The following EML1 variants were observed in gnomAD, a reference collection of about 807,000 sequenced individuals.
The protein encoded by EML1 is echinoderm microtubule-associated protein-like 1.
Under a neutral mutation model 110.4 loss-of-function variants are expected in EML1, and 27 were observed. That is an observed-to-expected ratio of 0.24 (90% CI 0.18 to 0.34). The LOEUF (loss-of-function observed/expected upper bound fraction) is 0.34, where lower values mean the gene tolerates loss of function less well. Among genes scored for constraint, EML1 ranks in the 10% least tolerant of loss-of-function variants. EML1 has a pLI of 1.00. For missense variants in EML1, 741 were observed against 1,030.9 expected (o/e 0.72, Z 3.85); for synonymous variants, 344 against 385.8 (o/e 0.89, Z 1.27).
chr14:99,781,337 G>A lies in EML1; in HGVS notation c.-27+7324G>A, dbSNP rs1449446009. Among the ~76,000 whole-genome samples, 2 of 152,040 alleles carry A rather than the reference G, an allele frequency of 1.3e-5. No homozygotes were observed. Among genetic ancestry groups the A allele is most frequent in the African/African-American group, 2.4e-5 (1 of 41,382 alleles). ...GGCCCTGCCCTTGCTCATGGGGTGT[G>A]CCTCCCATGCTGTATGGCATCCTCA... On this transcript the variant is annotated intron_variant, in intron 1 of 22. Transcript: ENST00000327921. This position sits in a 1 kb window ranked among gnomAD's most constrained non-coding sequence, Gnocchi z 4.2.
chr14:99,894,465 C>G (rs185443687), intron 5 of EML1, 164 bp from the exon 6 acceptor site: 2 of 894,852 alleles, frequency 2.2e-6, no homozygotes, highest in Non-Finnish European at 1.5e-6. Context: ...ACTTTTGTTT[C>G]AAACTGTTTA....
intron 3 of EML1, among the ~76,000 whole-genome samples, chr14:99,875,379 G>A (rs564588361): frequency 6.6e-6 from 1 of 152,324 alleles, no homozygotes; most frequent in South Asian, 2.1e-4. Context: ...TACAGTATAT[G>A]TAAAAGTCCA....
rs554235601 is a variant in EML1 at position 99,867,464 on chromosome 14, T to G, written c.383+1818T>G. Among the ~76,000 whole-genome samples the G allele has an allele frequency of 2.8e-4, 43 of 152,338 alleles. 1 individual carries two copies. Among genetic ancestry groups the G allele is most frequent in the South Asian group, 2.1e-4 (1 of 4,830 alleles). On this transcript the variant is annotated intron_variant, in intron 3 of 21. Coordinates refer to ENST00000262233, the MANE Select transcript of EML1 (RefSeq NM_004434.3). ...TATTAAGTCTTCCAATCCATAAACA[T>G]AGGATGTCTTTCTCTTTTTTTGTAT...
At chr14:99,795,853 T>C (rs954904392) in intron 1 of EML1, among the ~76,000 whole-genome samples, 1 of 152,230 alleles carries the variant, frequency 6.6e-6, no homozygotes, top group African/African-American at 2.4e-5. Context: ...AAATCATGGT[T>C]ACAGCTTTAG....
At chr14:99,819,689 C>G (rs1022060844) in intron 1 of EML1, among the ~76,000 whole-genome samples, 2 of 152,160 alleles carry the variant, frequency 1.3e-5, no homozygotes, top group Non-Finnish European at 2.9e-5. Context: ...GAAGCTCTGT[C>G]TGGAGGTTTC....
intron 17 of EML1, among the ~76,000 whole-genome samples, chr14:99,930,414 G>A (rs992249220): frequency 6.6e-6 from 1 of 152,202 alleles, no homozygotes; most frequent in African/African-American, 2.4e-5. Flanking sequence ...AGTGCATGTG[G>A]ATCACCCAGA....
At chr14:99,808,517 T>C (rs1460765551) in intron 1 of EML1, among the ~76,000 whole-genome samples, 1 of 152,166 alleles carries the variant, frequency 6.6e-6, no homozygotes, top group Non-Finnish European at 1.5e-5. Flanking sequence ...CTTCCAGCAT[T>C]CATGGATCAC....
chr14:99,866,385 A>G (rs941464737), intron 3 of EML1, among the ~76,000 whole-genome samples: 4 of 152,242 alleles, frequency 2.6e-5, no homozygotes, highest in African/African-American at 9.6e-5. Flanking sequence ...AGCCTGACCA[A>G]CAGGCGAAGC....
At chr14:99,742,093 A>G (rs2057049899) in intron 1 of EML1, among the ~76,000 whole-genome samples, 2 of 152,090 alleles carry the variant, frequency 1.3e-5, no homozygotes, top group African/African-American at 4.8e-5. Flanking sequence ...CTCTGGACAC[A>G]TGTCCCGAGT....
chr14:99,745,786 G>A (rs1389184413), intron 1 of EML1, among the ~76,000 whole-genome samples: 2 of 152,206 alleles, frequency 1.3e-5, no homozygotes. Context: ...TGGTGCTGGA[G>A]CAGAAAACAT....
At chr14:99,776,225 G>A (rs1025210201) in intron 1 of EML1, among the ~76,000 whole-genome samples, 1 of 152,150 alleles carries the variant, frequency 6.6e-6, no homozygotes, top group African/African-American at 2.4e-5. Context: ...AATTGACCAG[G>A]TGCGGTGGCT....
intron 1 of EML1, among the ~76,000 whole-genome samples, chr14:99,843,824 A>G (rs765721320): frequency 6.6e-6 from 1 of 152,228 alleles, no homozygotes; most frequent in Non-Finnish European, 1.5e-5. Flanking sequence ...CCAGCGTCCT[A>G]CACAATGGTT....
chr14:99,799,076 G>A (rs911761830), intron 1 of EML1, among the ~76,000 whole-genome samples: 4 of 152,202 alleles, frequency 2.6e-5, no homozygotes, highest in East Asian at 1.9e-4. Flanking sequence ...TGACTGGAGC[G>A]TATCTGCCAT....
chr14:99,835,579 TC>T (rs2058527018), intron 1 of EML1, among the ~76,000 whole-genome samples: 1 of 152,224 alleles, frequency 6.6e-6, no homozygotes, highest in African/African-American at 2.4e-5. Flanking sequence ...CCTTCTCCTT[TC>T]TTCGTTTCTA....
upstream of EML1, among the ~76,000 whole-genome samples, chr14:99,768,153 TTGAA>T (rs1239256371): frequency 1.9e-4 from 29 of 152,220 alleles, no homozygotes; most frequent in African/African-American, 6.5e-4. Flanking sequence ...AGGGTGCACA[TTGAA>T]TGTAAGATTC....
chr14:99,840,833 G>C lies in EML1; in HGVS notation c.68-10020G>C, dbSNP rs1179931113. Among the ~76,000 whole-genome samples, 3 of 152,176 alleles carry C rather than the reference G, an allele frequency of 2.0e-5. 1 individual carries two copies. Among genetic ancestry groups the C allele is most frequent in the Admixed American group, 2.0e-4 (3 of 15,270 alleles). ...TGCTTCTCTCACCTTTTAATAGAGT[G>C]AAACACATCATGTTACCGGAAACCC... On this transcript the variant is annotated intron_variant, in intron 1 of 21. Transcript: ENST00000262233.
At chr14:99,887,003 G>A (rs1262082798) in intron 4 of EML1, among the ~76,000 whole-genome samples, 1 of 152,222 alleles carries the variant, frequency 6.6e-6, no homozygotes. Context: ...CTGCCTCTGC[G>A]GTGTTGACCG....
chr14:99,939,429 C>A lies in EML1; in HGVS notation c.2322+102C>A. 6.6e-7 allele frequency: 1 copy of A among 1,524,266 alleles called. No individual in the cohort carries two copies. Among genetic ancestry groups the A allele is most frequent in the Non-Finnish European group, 8.9e-7 (1 of 1,125,630 alleles). 94.4% of individuals were successfully genotyped at this position (1,524,266 alleles called of 1,614,324 possible). A position where few individuals can be genotyped will look rare whatever the true frequency, so the allele number is the denominator to read the frequency against. On this transcript the variant is annotated intron_variant, in intron 21 of 21. Transcript: ENST00000262233. This position sits in a 1 kb window ranked among gnomAD's most constrained non-coding sequence, Gnocchi z 4.2. Reference sequence around the variant, plus strand: ...GGAAATGGGCTGTGAGCGACTGCTGCCAGCCACAAAGGCAGATGTGACTCT... The same window carrying A: ...GGAAATGGGCTGTGAGCGACTGCTGACAGCCACAAAGGCAGATGTGACTCT...
chr14:99,937,508 T>G (rs952349268), intron 19 of EML1, among the ~76,000 whole-genome samples: 29 of 141,286 alleles, frequency 2.1e-4, no homozygotes, highest in African/African-American at 4.7e-4. Flanking sequence ...GGGGCTCGGG[T>G]GGGGGTGGGC....
Sources: gnomAD v4.1 joint callset for allele counts (sites outside exome capture counted in the v4.1 genomes callset) on GRCh38, gnomAD v4.1.1 for gene constraint, Gnocchi (gnomAD v3.1) non-coding constraint, MANE v1.5 for transcripts, NCBI Gene and HGNC (gene_info 2026-07-23, HGNC 2026-07-21) for gene names.